Variants in STRIP2 observed in about 807,000 individuals in gnomAD.
The protein encoded by STRIP2 is striatin-interacting protein 2.
A neutral mutation model predicts 107.1 loss-of-function variants in STRIP2; 84 were observed. The ratio of observed to expected loss-of-function variants is 0.78; its 90% CI spans 0.66 to 0.94. The LOEUF (loss-of-function observed/expected upper bound fraction) is 0.94, where lower values mean the gene tolerates loss of function less well. Among genes scored for constraint, STRIP2 ranks in the 40% least tolerant of loss-of-function variants. The pLI, the probability that STRIP2 is intolerant of heterozygous loss-of-function variation, is 0.00. For missense variants in STRIP2, 888 were observed against 1,034.2 expected, an observed-to-expected ratio of 0.86 and a Z score of 1.94; for synonymous variants, 394 against 400.4, an observed-to-expected ratio of 0.98 and a Z score of 0.19.
At chr7:129,473,895 T>C (rs962994175) in intron 18 of STRIP2, among the ~76,000 whole-genome samples, 1 of 151,226 alleles carries the variant, frequency 6.6e-6, no homozygotes, top group Non-Finnish European at 1.5e-5. Context: ...TTTTTTGTAT[T>C]TTTAGTAGAG....
At chr7:129,455,403 G>A in intron 8 of STRIP2, 32 bp downstream of exon 8, 1 of 1,603,226 alleles carries the variant, frequency 6.2e-7, no homozygotes, top group East Asian at 2.2e-5. Flanking sequence ...CACATTATCA[G>A]ATCAGCAATG....
intron 16 of STRIP2, among the ~76,000 whole-genome samples, chr7:129,466,358 T>G (rs1453390793): frequency 6.6e-6 from 1 of 152,198 alleles, no homozygotes; most frequent in Non-Finnish European, 1.5e-5. Flanking sequence ...GAGAAAATTT[T>G]GAACAGAAGA....
intron 17 of STRIP2, among the ~76,000 whole-genome samples, chr7:129,468,040 C>T (rs644723): frequency 0.31 from 46,351 of 151,864 alleles, 7,424 homozygotes; most frequent in African/African-American, 0.41. Flanking sequence ...TGGTGAGACC[C>T]CTTAAGTAAG....
At position 129,464,676 on chromosome 7, in the gene STRIP2, A is replaced by G; in HGVS notation, c.1714A>G (p.Lys572Glu). Residue 572 changes from lysine (K) to glutamate (E), a missense_variant, in exon 16 of 21, where the codon AAG becomes GAG. Transcript: ENST00000249344. ...GAACAGGCACAAGGAGATTATTGTA[A>G]AGAGTATCTCTACCCTGCTTCTGCT... ...DVNRHKEIIV[K>E]SISTLLLLLL... The G allele has an allele frequency of 3.1e-6, 5 of 1,614,006 alleles. No individual in the cohort carries two copies. The highest frequency in any genetic ancestry group is 4.2e-6 in the Non-Finnish European group (5 of 1,179,938).
rs1287792047 is a variant in STRIP2 at position 129,459,587 on chromosome 7, G to T, written c.1404+7G>T. 1 of 1,613,202 alleles carries T rather than the reference G, an allele frequency of 6.2e-7. No individual in the cohort carries two copies. Among genetic ancestry groups the T allele is most frequent in the Admixed American group, 1.7e-5 (1 of 60,016 alleles). On this transcript the variant is annotated splice_region_variant and intron_variant, in intron 12 of 20. Transcript: ENST00000249344. Reference sequence around the variant, plus strand: ...TGTGAAGACCCTAAAGCAGGTGACTGGGGTGGGCTCTCAGTCTTCAGGGAT... The same window carrying T: ...TGTGAAGACCCTAAAGCAGGTGACTTGGGTGGGCTCTCAGTCTTCAGGGAT...
At chr7:129,474,409 C>A (rs1798865916) in intron 18 of STRIP2, among the ~76,000 whole-genome samples, 1 of 152,192 alleles carries the variant, frequency 6.6e-6, no homozygotes, top group Non-Finnish European at 1.5e-5. Context: ...CTTAGTGATC[C>A]TCCTGCCTTG....
At chr7:129,480,745 T>C in intron 18 of STRIP2, 40 bp from the exon 19 acceptor site, 2 of 1,546,932 alleles carry the variant, frequency 1.3e-6, no homozygotes, top group Non-Finnish European at 1.8e-6. Flanking sequence ...AATTAAAGCC[T>C]TGTAGGTATT....
chr7:129,456,369 TC>T (rs1798353094), intron 8 of STRIP2, 69 bp from the exon 9 acceptor site: 2 of 1,414,456 alleles, frequency 1.4e-6, no homozygotes, highest in African/African-American at 2.8e-5. Flanking sequence ...CATCCATGTT[TC>T]CCTGACCTTG....
chr7:129,456,141 CT>C (rs775446984), intron 8 of STRIP2, among the ~76,000 whole-genome samples: 3 of 81,008 alleles, frequency 3.7e-5, no homozygotes, highest in African/African-American at 7.5e-5. Flanking sequence ...TCGATAGTTT[CT>C]TTTTTTTCTT....
intron 16 of STRIP2, among the ~76,000 whole-genome samples, chr7:129,465,878 A>C (rs1798659454): frequency 6.6e-6 from 1 of 152,144 alleles, no homozygotes; most frequent in Non-Finnish European, 1.5e-5. Context: ...AGTCAGAATC[A>C]AGCTTGCTGG....
intron 5 of STRIP2, 21 bp from the exon 6 acceptor site, chr7:129,454,121 C>T: frequency 6.2e-7 from 1 of 1,612,428 alleles, no homozygotes; most frequent in Admixed American, 1.7e-5. Flanking sequence ...CATTCCTGTT[C>T]TTTTTCTCCT....
intron 14 of STRIP2, among the ~76,000 whole-genome samples, chr7:129,463,538 C>T (rs893134919): frequency 6.6e-6 from 1 of 152,008 alleles, no homozygotes; most frequent in South Asian, 2.1e-4. Context: ...CTCTGTCGCC[C>T]AGGCTGGAGT....
Position 129,485,983 on chromosome 7 carries a change from A to G in STRIP2, c.*154A>G, listed in dbSNP as rs570513472. 1.2e-6 allele frequency: 1 copy of G among 852,916 alleles called. No individual in the cohort carries two copies. Among genetic ancestry groups the G allele is most frequent in the East Asian group, 2.6e-5 (1 of 38,658 alleles). The allele number at this position is 852,916 out of a possible 1,614,324, so 52.8% of individuals were successfully genotyped here. ...TGCAAGGGTGGGATCCTGAATCACAATAAAATGATCAACTTGCCCTGGGGT... is the reference window on the plus strand; with the variant it reads ...TGCAAGGGTGGGATCCTGAATCACAGTAAAATGATCAACTTGCCCTGGGGT... On this transcript the variant is annotated 3_prime_UTR_variant, in exon 21 of 21. Transcript: ENST00000249344.
At chr7:129,446,013 C>T (rs1798023823) in intron 3 of STRIP2, among the ~76,000 whole-genome samples, 1 of 152,300 alleles carries the variant, frequency 6.6e-6, no homozygotes, top group Non-Finnish European at 1.5e-5. Context: ...GGAATGGTGC[C>T]TTATCCAGGG....
rs758039042 is a variant in STRIP2 at position 129,458,659 on chromosome 7, A to C, written c.1275-53A>C. ...GGAGCCCGGAAAGTTTTTCTCTCTCAAAGTTTGCTTTTCTTCCCTTCTCTG... is the reference window on the plus strand; with the variant it reads ...GGAGCCCGGAAAGTTTTTCTCTCTCCAAGTTTGCTTTTCTTCCCTTCTCTG... On this transcript the variant is annotated intron_variant, in intron 10 of 20. Transcript: ENST00000249344. This position sits in a 1 kb window ranked among gnomAD's most constrained non-coding sequence, Gnocchi z 4.6. 1.9e-6 allele frequency: 3 copies of C among 1,605,534 alleles called. No homozygotes were observed. Among genetic ancestry groups the C allele is most frequent in the Non-Finnish European group, 1.7e-6 (2 of 1,172,494 alleles).
intron 3 of STRIP2, among the ~76,000 whole-genome samples, chr7:129,447,651 T>C (rs1458860239): frequency 1.3e-5 from 2 of 152,260 alleles, no homozygotes; most frequent in Non-Finnish European, 2.9e-5. Flanking sequence ...GGTATATTGC[T>C]GTCCCAGCCA....
rs758536953 is a variant in STRIP2, at chr7:129,450,918, C to CTTT, written c.275-661_275-659dup. On this transcript the variant is annotated intron_variant, in intron 3 of 20. Coordinates refer to ENST00000249344, the MANE Select transcript of STRIP2 (RefSeq NM_020704.3). ...GGCCACAGCATTAGTGAGAAAGGTC[C>CTTT]TTTTTTTTTTTTTTTTTTTTTTTTT... Among the ~76,000 whole-genome samples, 20 of 54,512 alleles carry CTTT rather than the reference C, an allele frequency of 3.7e-4. 3 individuals are homozygous for CTTT. The highest frequency in any genetic ancestry group is 7.9e-4 in the African/African-American group (10 of 12,684). 35.8% of individuals were successfully genotyped at this position (54,512 alleles called of 152,430 possible). A position where few individuals can be genotyped will look rare whatever the true frequency, so the allele number is the denominator to read the frequency against.
intron 13 of STRIP2, among the ~76,000 whole-genome samples, chr7:129,462,758 G>A (rs969626617): frequency 5.3e-5 from 8 of 152,178 alleles, no homozygotes; most frequent in Non-Finnish European, 1.2e-4. Flanking sequence ...AGGCCAACCT[G>A]ATGGTCCTAT....
Position 129,468,145 on chromosome 7 carries a change from T to C in STRIP2, c.1877+695T>C, listed in dbSNP as rs376937779. Among the ~76,000 whole-genome samples the C allele has an allele frequency of 1.6e-4, 25 of 152,308 alleles. No homozygotes were observed. The South Asian group carries it at 4.8e-3, about 29-fold the overall frequency. ...AGGGACTTGGGGATTACAGAGTAGA[T>C]CCTTGTTCCTTAATATTCTACTTTC... On this transcript the variant is annotated intron_variant, in intron 17 of 20. Coordinates refer to ENST00000249344, the MANE Select transcript of STRIP2 (RefSeq NM_020704.3).
Sources: allele counts gnomAD v4.1 joint callset (sites outside exome capture counted in the v4.1 genomes callset), GRCh38; gene constraint gnomAD v4.1.1; non-coding constraint Gnocchi (gnomAD v3.1); transcripts MANE v1.5; gene names NCBI Gene and HGNC (gene_info 2026-07-23, HGNC 2026-07-21).